Variants in PGPEP1 observed in about 807,000 individuals in gnomAD.
PGPEP1 encodes pyroglutamyl-peptidase 1.
A neutral mutation model predicts 24.1 loss-of-function variants in PGPEP1; 15 were observed. The ratio of observed to expected loss-of-function variants is 0.62; its 90% CI spans 0.42 to 0.96. The LOEUF (loss-of-function observed/expected upper bound fraction) is 0.96. PGPEP1 is among the 40% of genes least tolerant of loss of function. The pLI, the probability that PGPEP1 is intolerant of heterozygous loss-of-function variation, is 0.00. For missense variants in PGPEP1, 242 were observed against 273.4 expected (o/e 0.89, Z 0.81); for synonymous variants, 122 against 116.4 (o/e 1.05, Z -0.31).
Position 18,340,701 on chromosome 19 carries a change from C to A in PGPEP1, c.20C>A (p.Ala7Glu). MEQPRK[A>E]VVVTGFGPFG... ...CCCGCCATGGAGCAGCCGAGGAAGG[C>A]GGTGGTAGTGACGGGTACGCTGGCT... The change falls in exon 1 of 5, where the codon GCG (alanine) becomes GAG (glutamate). Residue 7 changes from alanine to glutamate, a missense_variant. Physicochemically the swap from Ala to Glu is moderately radical, Grantham distance 107. Coordinates refer to ENST00000269919, the MANE Select transcript of PGPEP1 (RefSeq NM_017712.4). The A allele has an allele frequency of 1.3e-6, 2 of 1,535,650 alleles. No homozygotes were observed. Among genetic ancestry groups the A allele is most frequent in the African/African-American group, 1.4e-5 (1 of 70,038 alleles).
intron 2 of PGPEP1, among the ~76,000 whole-genome samples, chr19:18,349,764 C>T (rs1970968437): frequency 6.6e-6 from 1 of 152,192 alleles, no homozygotes; most frequent in Admixed American, 6.6e-5. Context: ...GAAATCCCTC[C>T]AGGTTGGTCC....
intron 1 of PGPEP1, among the ~76,000 whole-genome samples, chr19:18,342,323 C>A (rs911716668): frequency 2.0e-5 from 3 of 152,158 alleles, no homozygotes; most frequent in Non-Finnish European, 4.4e-5. Flanking sequence ...CTAGGAAACA[C>A]CCTTGCCTGA....
In PGPEP1 at chr19:18,363,481, C is replaced by T. The variant is rs1439939760; in HGVS notation, c.528C>T (p.Tyr176=). 3.1e-6 allele frequency: 5 copies of T among 1,614,208 alleles called. No individual in the cohort carries two copies. The highest frequency in any genetic ancestry group is 1.3e-5 in the African/African-American group (1 of 75,072). The part of the protein sequence containing the change: ...FVHVPPLGKP[Y]NADQLGRALR... ...ACGTGCCCCCACTGGGGAAGCCGTACAACGCGGACCAGCTGGGCAGGGCAC... is the reference window on the plus strand; with the variant it reads ...ACGTGCCCCCACTGGGGAAGCCGTATAACGCGGACCAGCTGGGCAGGGCAC... The change falls in exon 5 of 5, where the codon TAC becomes TAT. Residue 176 remains tyrosine, a synonymous_variant. Coordinates refer to ENST00000269919, the MANE Select transcript of PGPEP1 (RefSeq NM_017712.4).
intron 3 of PGPEP1, 84 bp from the exon 4 acceptor site, chr19:18,357,299 A>T: frequency 1.1e-6 from 1 of 918,414 alleles, no homozygotes; most frequent in South Asian, 1.5e-5. Flanking sequence ...CTCATTAAGG[A>T]TGCTGCCTTT....
Position 18,365,399 on chromosome 19 carries a change from G to C in PGPEP1, c.*1816G>C, listed in dbSNP as rs1345312588. 1.3e-5 allele frequency: 2 copies of C among 152,246 alleles called. No individual in the cohort carries two copies. Among genetic ancestry groups the C allele is most frequent in the Non-Finnish European group, 2.9e-5 (2 of 68,104 alleles). 9.4% of individuals were successfully genotyped at this position (152,246 alleles called of 1,614,324 possible). A position where few individuals can be genotyped will look rare whatever the true frequency, so the allele number is the denominator to read the frequency against. ...GTTCTGTTGACCAGGCTGGAGTACA[G>C]TAGTGTGATCATGGATCACTGCAGC... On this transcript the variant is annotated 3_prime_UTR_variant, in exon 5 of 5. Coordinates refer to ENST00000269919, the MANE Select transcript of PGPEP1 (RefSeq NM_017712.4).
At position 18,366,959 on chromosome 19, in the gene PGPEP1, C is replaced by G. The variant is rs1403068051; in HGVS notation, c.*3376C>G. On this transcript the variant is annotated 3_prime_UTR_variant, in exon 5 of 5. Coordinates refer to ENST00000269919, the MANE Select transcript of PGPEP1 (RefSeq NM_017712.4). Reference sequence around the variant, plus strand: ...CCTTGAGCCAGGAGTTCAAGACCAGCCTGGGCAACATAGCAAGAGATCCCA... The same window carrying G: ...CCTTGAGCCAGGAGTTCAAGACCAGGCTGGGCAACATAGCAAGAGATCCCA... 1 of 151,678 alleles carries G rather than the reference C, an allele frequency of 6.6e-6. No homozygotes were observed. The highest frequency in any genetic ancestry group is 2.4e-5 in the African/African-American group (1 of 41,236). 9.4% of individuals were successfully genotyped at this position (151,678 alleles called of 1,614,324 possible). A position where few individuals can be genotyped will look rare whatever the true frequency, so the allele number is the denominator to read the frequency against.
At chr19:18,343,399 C>T (rs565428996) in intron 2 of PGPEP1, among the ~76,000 whole-genome samples, 39 of 152,294 alleles carry the variant, frequency 2.6e-4, no homozygotes, top group African/African-American at 9.4e-4. Context: ...CTGAATCCTC[C>T]CAACAACCCA....
intron 2 of PGPEP1, among the ~76,000 whole-genome samples, chr19:18,343,820 T>A (rs1326826787): frequency 6.6e-6 from 1 of 151,670 alleles, no homozygotes; most frequent in Non-Finnish European, 1.5e-5. Context: ...GTAGCTGGGA[T>A]TACAGGCACC....
intron 1 of PGPEP1, among the ~76,000 whole-genome samples, chr19:18,341,677 C>A (rs1297164219): frequency 6.6e-6 from 1 of 152,102 alleles, no homozygotes; most frequent in Non-Finnish European, 1.5e-5. Flanking sequence ...TATTCCAGCA[C>A]TTTTTGCATG....
rs758861288 is a variant in PGPEP1, at chr19:18,340,648, C to T, written c.-34C>T. ...GCAGCAGCTGTCGCGCCAGTCGCAA[C>T]AGAAGCAGGTCCGAGGCACAGCCCG... is the stretch of plus-strand genomic sequence containing the variant. On this transcript the variant is annotated 5_prime_UTR_variant, in exon 1 of 5. Transcript: ENST00000269919. The T allele has an allele frequency of 1.3e-6, 2 of 1,529,326 alleles. No individual in the cohort carries two copies. The highest frequency in any genetic ancestry group is 1.8e-6 in the Non-Finnish European group (2 of 1,141,892). 94.7% of individuals were successfully genotyped at this position (1,529,326 alleles called of 1,614,324 possible). A position where few individuals can be genotyped will look rare whatever the true frequency, so the allele number is the denominator to read the frequency against.
rs761885894 is a variant in PGPEP1, at chr19:18,340,672, C to G, written c.-10C>G. On this transcript the variant is annotated 5_prime_UTR_variant, in exon 1 of 5. Coordinates refer to ENST00000269919, the MANE Select transcript of PGPEP1 (RefSeq NM_017712.4). ...ACAGAAGCAGGTCCGAGGCACAGCCCGATCCCGCCATGGAGCAGCCGAGGA... is the reference window on the plus strand; with the variant it reads ...ACAGAAGCAGGTCCGAGGCACAGCCGGATCCCGCCATGGAGCAGCCGAGGA... 5 of 1,541,464 alleles carry G rather than the reference C, an allele frequency of 3.2e-6. No homozygotes were observed. Among genetic ancestry groups the G allele is most frequent in the East Asian group, 5.4e-5 (2 of 36,956 alleles).
intron 1 of PGPEP1, 84 bp downstream of exon 1, chr19:18,340,799 A>C: frequency 4.1e-6 from 4 of 982,406 alleles, no homozygotes; most frequent in South Asian, 4.9e-5. Flanking sequence ...CGAGAGGGGC[A>C]GGTGCTGGAA....
intron 2 of PGPEP1, among the ~76,000 whole-genome samples, chr19:18,351,860 C>T (rs1971034971): frequency 6.6e-6 from 1 of 151,988 alleles, no homozygotes; most frequent in East Asian, 1.9e-4. Flanking sequence ...TGCAGTGGCT[C>T]ATGCCTGTAA....
chr19:18,347,590 C>A (rs532114238), intron 2 of PGPEP1, among the ~76,000 whole-genome samples: 3 of 151,388 alleles, frequency 2.0e-5, no homozygotes, highest in South Asian at 4.2e-4. Context: ...CTCTCTCTCC[C>A]CATTTCTGTT....
At chr19:18,357,196 T>C (rs1190901818) in intron 3 of PGPEP1, among the ~76,000 whole-genome samples, 187 bp from the exon 4 acceptor site, 1 of 152,240 alleles carries the variant, frequency 6.6e-6, no homozygotes, top group Non-Finnish European at 1.5e-5. Context: ...TTTCAAATTC[T>C]TGCCTGTCTT....
intron 2 of PGPEP1, among the ~76,000 whole-genome samples, chr19:18,345,545 A>G (rs1388747389): frequency 4.7e-5 from 7 of 150,440 alleles, no homozygotes; most frequent in Admixed American, 4.6e-4. Flanking sequence ...CAACATAGCA[A>G]GACCCCATCT....
intron 3 of PGPEP1, 82 bp from the exon 4 acceptor site, chr19:18,357,301 G>A: frequency 1.1e-6 from 1 of 939,970 alleles, no homozygotes; most frequent in Non-Finnish European, 1.7e-6. Context: ...CATTAAGGAT[G>A]CTGCCTTTTC....
intron 4 of PGPEP1, 48 bp downstream of exon 4, chr19:18,357,663 C>A: frequency 1.5e-6 from 2 of 1,357,806 alleles, no homozygotes; most frequent in Non-Finnish European, 2.1e-6. Flanking sequence ...CTCCTCCACC[C>A]ACTGAGCCTG....
chr19:18,348,417 G>A lies in PGPEP1; in HGVS notation c.87+5506G>A, dbSNP rs1387464302. ...AGACGAGGCTGCGCGGCGGGGTCCT[G>A]TCAGGTAGATGGGGTGTAGACAATG... On this transcript the variant is annotated intron_variant, in intron 2 of 4. Coordinates refer to ENST00000269919, the MANE Select transcript of PGPEP1 (RefSeq NM_017712.4). Among the ~76,000 whole-genome samples, 4 of 152,294 alleles carry A rather than the reference G, an allele frequency of 2.6e-5. No homozygotes were observed. The East Asian group carries it at 7.7e-4, about 29-fold the overall frequency.
Sources: gnomAD v4.1 joint callset for allele counts (sites outside exome capture counted in the v4.1 genomes callset) on GRCh38, gnomAD v4.1.1 for gene constraint, MANE v1.5 for transcripts, NCBI Gene and HGNC (gene_info 2026-07-23, HGNC 2026-07-21) for gene names.